ASTN1: variants seen among roughly 807,000 people sequenced by gnomAD.
ASTN1 encodes the protein astrotactin-1.
A neutral mutation model predicts 140.7 loss-of-function variants in ASTN1; 41 were observed. The observed-to-expected ratio is 0.29, with a 90% CI of 0.23 to 0.38. The LOEUF is 0.38. ASTN1 is among the 10% of genes least tolerant of loss of function. The probability of loss-of-function intolerance (pLI) is 1.00; values close to 1 mark genes in which losing one functional copy is unlikely to be tolerated. For synonymous variants in ASTN1, 640 were observed against 652.2 expected, an observed-to-expected ratio of 0.98 and a Z score of 0.29; for missense variants, 1,479 against 1,678.8, an observed-to-expected ratio of 0.88 and a Z score of 2.08.
chr1:177,122,594 T>C (rs1310405967), intron 1 of ASTN1, among the ~76,000 whole-genome samples: 1 of 152,154 alleles, frequency 6.6e-6, no homozygotes, highest in East Asian at 1.9e-4. Context: ...AGACTCCTGC[T>C]CACAAGACTA....
intron 2 of ASTN1, among the ~76,000 whole-genome samples, chr1:177,040,200 G>T (rs909948521): frequency 2.4e-4 from 37 of 152,204 alleles, no homozygotes; most frequent in Admixed American, 1.6e-3. Flanking sequence ...TAGCAAGTTT[G>T]ATTTATAAAT....
chr1:177,138,960 A>C (rs920365594), intron 1 of ASTN1, among the ~76,000 whole-genome samples: 3 of 152,228 alleles, frequency 2.0e-5, no homozygotes, highest in Non-Finnish European at 4.4e-5. Context: ...GGATTCTCTG[A>C]CACCAAAGCC....
chr1:177,024,453 C>G, intron 6 of ASTN1, 130 bp downstream of exon 6: 2 of 1,194,838 alleles, frequency 1.7e-6, no homozygotes, highest in Non-Finnish European at 1.2e-6. Context: ...CTCATCCTTA[C>G]TTATTTCAGT....
intron 1 of ASTN1, among the ~76,000 whole-genome samples, chr1:177,074,446 C>T (rs1678792315): frequency 6.6e-6 from 1 of 152,174 alleles, no homozygotes; most frequent in South Asian, 2.1e-4. Flanking sequence ...AAGTCGATCT[C>T]CTTGATCACT....
intron 1 of ASTN1, among the ~76,000 whole-genome samples, chr1:177,071,188 A>G (rs1246101851): frequency 2.0e-5 from 3 of 152,170 alleles, no homozygotes; most frequent in Admixed American, 2.0e-4. Flanking sequence ...CTCCACGTAC[A>G]CTATTTATGC....
At chr1:177,037,851 C>T (rs1558050122) in intron 2 of ASTN1, among the ~76,000 whole-genome samples, 1 of 152,242 alleles carries the variant, frequency 6.6e-6, no homozygotes, top group African/African-American at 2.4e-5. Flanking sequence ...TTTTAAAATA[C>T]ATTTTTCTTT....
chr1:177,112,681 G>T (rs1487309474), intron 1 of ASTN1, among the ~76,000 whole-genome samples: 1 of 152,218 alleles, frequency 6.6e-6, no homozygotes, highest in African/African-American at 2.4e-5. Flanking sequence ...TTTAGCCTAG[G>T]AAGGAAGGTA....
Position 177,029,753 on chromosome 1 carries a change from G to A in ASTN1, c.1013-12C>T, listed in dbSNP as rs753518861. On this transcript the variant is annotated splice_polypyrimidine_tract_variant and intron_variant, in intron 4 of 22. Coordinates refer to ENST00000361833, the MANE Select transcript of ASTN1 (RefSeq NM_004319.3). ...GAAGGCGGAACCAGCTGTAATGAAA[G>A]CAGCATGGTCAAGAAAGCGTTTTCA... The A allele has an allele frequency of 2.2e-5, 35 of 1,604,584 alleles. No individual in the cohort carries two copies. Among genetic ancestry groups the A allele is most frequent in the Non-Finnish European group, 2.9e-5 (34 of 1,174,092 alleles).
intron 16 of ASTN1, among the ~76,000 whole-genome samples, chr1:176,927,719 T>G (rs1671030992): frequency 6.6e-6 from 1 of 152,250 alleles, no homozygotes; most frequent in Non-Finnish European, 1.5e-5. Context: ...CATATCACTT[T>G]GTAATTCCTC....
In ASTN1 at chr1:177,090,989, T is replaced by G. The variant is rs577076445; in HGVS notation, c.284-29724A>C. On this transcript the variant is annotated intron_variant, in intron 1 of 22. Transcript: ENST00000361833. ...ATTTATAAGAAGCTGAAGGGTAACA[T>G]GCATATGTGAGTCTGGTCCTGCTTG... Among the ~76,000 whole-genome samples the G allele has an allele frequency of 4.6e-5, 7 of 152,192 alleles. No homozygotes were observed. In the East Asian group the frequency reaches 1.4e-3, roughly 29 times the overall value.
At chr1:177,105,983 G>A (rs1680528534) in intron 1 of ASTN1, among the ~76,000 whole-genome samples, 1 of 152,090 alleles carries the variant, frequency 6.6e-6, no homozygotes, top group South Asian at 2.1e-4. Flanking sequence ...GAGACAGAGC[G>A]AGACCCCATC....
At chr1:177,004,572 T>A (rs1674903614) in intron 8 of ASTN1, among the ~76,000 whole-genome samples, 1 of 152,114 alleles carries the variant, frequency 6.6e-6, no homozygotes, top group Non-Finnish European at 1.5e-5. Flanking sequence ...TTACCTGATC[T>A]CAAATTATAC....
intron 1 of ASTN1, among the ~76,000 whole-genome samples, chr1:177,131,412 C>A (rs1307604161): frequency 6.6e-6 from 1 of 152,096 alleles, no homozygotes; most frequent in Non-Finnish European, 1.5e-5. Flanking sequence ...GCTAGAATAT[C>A]ATTGTTTATT....
At chr1:177,018,095 A>C (rs1335694271) in intron 7 of ASTN1, among the ~76,000 whole-genome samples, 1 of 152,038 alleles carries the variant, frequency 6.6e-6, no homozygotes, top group East Asian at 1.9e-4. Flanking sequence ...AAGATATCTG[A>C]CTTGGGTATT....
chr1:176,961,757 T>C (rs1436407073), intron 9 of ASTN1, among the ~76,000 whole-genome samples: 2 of 152,044 alleles, frequency 1.3e-5, no homozygotes, highest in Non-Finnish European at 2.9e-5. Context: ...TGTCCTAAAA[T>C]CTCATCTGTC....
intron 9 of ASTN1, among the ~76,000 whole-genome samples, chr1:176,964,172 T>A (rs1305418210): frequency 6.6e-6 from 1 of 152,128 alleles, no homozygotes; most frequent in Non-Finnish European, 1.5e-5. Context: ...ACAGGGATGG[T>A]CTAGGAAGGG....
At chr1:176,936,406 C>G in intron 14 of ASTN1, 36 bp from the exon 15 acceptor site, 1 of 1,541,290 alleles carries the variant, frequency 6.5e-7, no homozygotes, top group Non-Finnish European at 8.9e-7. Flanking sequence ...AGTTCTGATA[C>G]TGATTCATAA....
intron 17 of ASTN1, among the ~76,000 whole-genome samples, chr1:176,890,710 C>T (rs1325345367): frequency 6.6e-6 from 1 of 152,210 alleles, no homozygotes; most frequent in African/African-American, 2.4e-5. Context: ...TTTCCATCTT[C>T]AATTCACACC....
chr1:177,048,394 T>C (rs1677358252), intron 2 of ASTN1, among the ~76,000 whole-genome samples: 2 of 152,222 alleles, frequency 1.3e-5, no homozygotes, highest in African/African-American at 4.8e-5. Flanking sequence ...TCCACCATCC[T>C]ACCAGAAAGT....
Sources: allele counts gnomAD v4.1 joint callset (sites outside exome capture counted in the v4.1 genomes callset), GRCh38; gene constraint gnomAD v4.1.1; transcripts MANE v1.5; gene names NCBI Gene and HGNC (gene_info 2026-07-23, HGNC 2026-07-21).